The following FOCAD variants were observed in gnomAD, a reference collection of about 807,000 sequenced individuals.
FOCAD encodes focadhesin.
FOCAD carries 198 observed loss-of-function variants against 225.6 expected under a neutral mutation model. The ratio of observed to expected loss-of-function variants is 0.88; its 90% CI spans 0.78 to 0.99. The LOEUF (loss-of-function observed/expected upper bound fraction) is 0.99, where lower values mean the gene tolerates loss of function less well. FOCAD is among the 50% of genes least tolerant of loss of function. The pLI, the probability that FOCAD is intolerant of heterozygous loss-of-function variation, is 0.00. For missense variants in FOCAD, 2,713 were observed against 2,123.6 expected, an observed-to-expected ratio of 1.28 and a Z score of -5.46; for synonymous variants, 897 against 755.0, an observed-to-expected ratio of 1.19 and a Z score of -3.08.
At chr9:20,716,309 A>G (rs1407737355) in intron 2 of FOCAD, 1 of 224,440 alleles carries the variant, frequency 4.5e-6, no homozygotes, top group Non-Finnish European at 1.0e-5. Flanking sequence ...AGAAATGCCC[A>G]TACGTGTTAC....
At chr9:20,797,091 G>T (rs1821199726) in intron 11 of FOCAD, among the ~76,000 whole-genome samples, 1 of 152,130 alleles carries the variant, frequency 6.6e-6, no homozygotes, top group African/African-American at 2.4e-5. Context: ...CCCATTTCTT[G>T]TTTTTTGTGA....
chr9:20,755,395 T>G (rs900383391), intron 5 of FOCAD, among the ~76,000 whole-genome samples: 1 of 152,258 alleles, frequency 6.6e-6, no homozygotes, highest in Non-Finnish European at 1.5e-5. Flanking sequence ...TCCCTCGGTA[T>G]GCATAAATGT....
chr9:20,670,227 C>G (rs1005149329), intron 2 of FOCAD, among the ~76,000 whole-genome samples: 3 of 152,148 alleles, frequency 2.0e-5, no homozygotes, highest in Non-Finnish European at 4.4e-5. Flanking sequence ...AATTTAGATA[C>G]TGGTTAAGGG....
At chr9:20,837,939 A>T (rs1276381549) in intron 15 of FOCAD, among the ~76,000 whole-genome samples, 1 of 152,154 alleles carries the variant, frequency 6.6e-6, no homozygotes, top group Non-Finnish European at 1.5e-5. Context: ...AAAATAACAT[A>T]TACTGAAATT....
At chr9:20,803,413 T>C (rs1332067366) in intron 11 of FOCAD, among the ~76,000 whole-genome samples, 2 of 151,930 alleles carry the variant, frequency 1.3e-5, no homozygotes, top group Non-Finnish European at 2.9e-5. Flanking sequence ...CCCTGAAAAA[T>C]TGAAAAGGGA....
At chr9:20,815,125 T>G (rs79892547) in intron 11 of FOCAD, among the ~76,000 whole-genome samples, 3,795 of 28,952 alleles carry the variant, frequency 0.13, 309 homozygotes, top group South Asian at 0.23. Flanking sequence ...TTCTCTTTGT[T>G]TTTTTTTTTT....
At position 20,854,453 on chromosome 9, in the gene FOCAD, G is replaced by C. The variant is rs978800688; in HGVS notation, c.1921-8125G>C. On this transcript the variant is annotated intron_variant, in intron 15 of 43. Coordinates refer to ENST00000338382, the MANE Select transcript of FOCAD (RefSeq NM_001375567.1). Reference sequence around the variant, plus strand: ...TTTCCATTTTGCAGCTGGGGAAAGAGTTTGAGGGAAATTAATGACTTCACC... The same window carrying C: ...TTTCCATTTTGCAGCTGGGGAAAGACTTTGAGGGAAATTAATGACTTCACC... Among the ~76,000 whole-genome samples, 7 of 151,844 alleles carry C rather than the reference G, an allele frequency of 4.6e-5. 1 individual carries two copies. Among genetic ancestry groups the C allele is most frequent in the Admixed American group, 3.9e-4 (6 of 15,204 alleles).
intron 10 of FOCAD, among the ~76,000 whole-genome samples, chr9:20,786,284 T>A (rs1819913829): frequency 1.3e-5 from 2 of 152,254 alleles, no homozygotes; most frequent in African/African-American, 2.4e-5. Context: ...AAACTTTTTT[T>A]AGACTTCTGA....
intron 15 of FOCAD, among the ~76,000 whole-genome samples, chr9:20,842,985 C>A (rs2131577368): frequency 6.6e-6 from 1 of 151,988 alleles, no homozygotes; most frequent in East Asian, 1.9e-4. Flanking sequence ...ACAAACAAAT[C>A]TAATAAAAAC....
At chr9:20,690,514 A>G in intron 1 of FOCAD, among the ~76,000 whole-genome samples, 1 of 152,054 alleles carries the variant, frequency 6.6e-6, no homozygotes, top group Admixed American at 6.6e-5. Context: ...CTCTTACTAA[A>G]AGTAACTTTT....
intron 4 of FOCAD, among the ~76,000 whole-genome samples, chr9:20,728,443 A>G (rs1826395746): frequency 6.6e-6 from 1 of 152,242 alleles, no homozygotes. Flanking sequence ...GTAGCCTGTC[A>G]CATGGCTTCA....
chr9:20,704,308 T>A (rs1055572858), intron 1 of FOCAD, among the ~76,000 whole-genome samples: 2 of 152,214 alleles, frequency 1.3e-5, no homozygotes, highest in Non-Finnish European at 2.9e-5. Flanking sequence ...GTAAAATTTT[T>A]TTGTTCATTT....
intron 36 of FOCAD, 115 bp downstream of exon 36, chr9:20,976,663 G>A (rs1414775385): frequency 8.8e-7 from 1 of 1,141,080 alleles, no homozygotes; most frequent in Non-Finnish European, 1.3e-6. Flanking sequence ...CAGATCTTGA[G>A]GTTTGTCATG....
intron 11 of FOCAD, among the ~76,000 whole-genome samples, chr9:20,795,287 G>A (rs1236339482): frequency 6.6e-6 from 1 of 152,120 alleles, no homozygotes; most frequent in African/African-American, 2.4e-5. Flanking sequence ...GTTTAAAAAT[G>A]ACGAATATTG....
In FOCAD at chr9:20,982,462, T is replaced by C. The variant is rs372483903; in HGVS notation, c.4728+16T>C. On this transcript the variant is annotated intron_variant, in intron 39 of 43. Transcript: ENST00000338382. The stretch of plus-strand genomic sequence containing the variant: ...GGTTACTAAGGTAATAACATATCTT[T>C]CTATACCTTTTTTCATTATTGAGCC... 16 of 1,587,184 alleles carry C rather than the reference T, an allele frequency of 1.0e-5. No individual in the cohort carries two copies. The highest frequency in any genetic ancestry group is 1.3e-5 in the Non-Finnish European group (15 of 1,158,026).
chr9:20,805,725 A>T (rs1487322969), intron 11 of FOCAD, among the ~76,000 whole-genome samples: 1 of 152,182 alleles, frequency 6.6e-6, no homozygotes, highest in African/African-American at 2.4e-5. Flanking sequence ...TGATGGGTTC[A>T]TTAAAACATA....
At chr9:20,868,805 T>C (rs1188976751) in intron 18 of FOCAD, among the ~76,000 whole-genome samples, 1 of 152,040 alleles carries the variant, frequency 6.6e-6, no homozygotes, top group African/African-American at 2.4e-5. Flanking sequence ...GAGGTTGAGA[T>C]GAGGGGTGTA....
intron 35 of FOCAD, among the ~76,000 whole-genome samples, chr9:20,970,100 G>T (rs1839632747): frequency 6.6e-6 from 1 of 151,612 alleles, no homozygotes; most frequent in Non-Finnish European, 1.5e-5. Flanking sequence ...TGTATGTGAT[G>T]AATCACTTCT....
chr9:20,706,418 T>G (rs983555848), intron 1 of FOCAD, among the ~76,000 whole-genome samples: 23 of 152,324 alleles, frequency 1.5e-4, no homozygotes, highest in Middle Eastern at 3.4e-3. Context: ...TGTACTTTTA[T>G]TAAATGGCAG....
Sources: gnomAD v4.1 joint callset for allele counts (sites outside exome capture counted in the v4.1 genomes callset) on GRCh38, gnomAD v4.1.1 for gene constraint, MANE v1.5 for transcripts, NCBI Gene and HGNC (gene_info 2026-07-23, HGNC 2026-07-21) for gene names.